The following CSMD1 variants were observed in gnomAD, a reference collection of about 807,000 sequenced individuals.
CSMD1 encodes CUB and Sushi multiple domains 1.
Under a neutral mutation model 417.5 loss-of-function variants are expected in CSMD1, and 213 were observed. The ratio of observed to expected loss-of-function variants is 0.51; its 90% CI spans 0.46 to 0.57. The LOEUF (loss-of-function observed/expected upper bound fraction) is 0.57. Ranked by LOEUF, CSMD1 falls within the 20% of genes least tolerant of loss-of-function variation. CSMD1 has a pLI of 0.00. For missense variants in CSMD1, 6,923 were observed against 4,529.7 expected, an observed-to-expected ratio of 1.53 and a Z score of -15.17; for synonymous variants, 2,862 against 1,736.8, an observed-to-expected ratio of 1.65 and a Z score of -16.11.
intron 3 of CSMD1, among the ~76,000 whole-genome samples, chr8:4,082,219 C>G (rs1800175840): frequency 6.6e-6 from 1 of 151,982 alleles, no homozygotes; most frequent in Non-Finnish European, 1.5e-5. Flanking sequence ...AAATTATGAC[C>G]ACACAGGTAA....
intron 26 of CSMD1, among the ~76,000 whole-genome samples, chr8:3,271,072 TC>T (rs1343193198): frequency 4.0e-5 from 4 of 100,436 alleles, no homozygotes; most frequent in Non-Finnish European, 6.0e-5. Flanking sequence ...ATGCTGTCCT[TC>T]CCCCCTCCCC....
At chr8:4,640,737 T>C (rs1254834089) in intron 1 of CSMD1, among the ~76,000 whole-genome samples, 2 of 152,072 alleles carry the variant, frequency 1.3e-5, no homozygotes, top group Non-Finnish European at 2.9e-5. Context: ...ATGAATCCCT[T>C]GTAAGTACCT....
chr8:3,406,723 C>G (rs371389517), intron 14 of CSMD1, among the ~76,000 whole-genome samples: 3 of 152,108 alleles, frequency 2.0e-5, no homozygotes, highest in African/African-American at 4.8e-5. Flanking sequence ...AAGTATTCTG[C>G]CTAAGAAACT....
chr8:3,260,993 A>G (rs184174735), intron 26 of CSMD1, among the ~76,000 whole-genome samples: 9 of 151,340 alleles, frequency 5.9e-5, no homozygotes, highest in African/African-American at 1.2e-4. Context: ...AAAAGGAACA[A>G]CAACAACAAC....
chr8:3,406,498 G>C (rs771229077), intron 14 of CSMD1, among the ~76,000 whole-genome samples: 31 of 152,154 alleles, frequency 2.0e-4, no homozygotes, highest in Non-Finnish European at 4.1e-4. Flanking sequence ...TAGACAAAGA[G>C]AGAACTGATA....
intron 3 of CSMD1, among the ~76,000 whole-genome samples, chr8:4,249,323 G>T (rs1472747042): frequency 6.6e-6 from 1 of 152,132 alleles, no homozygotes; most frequent in Non-Finnish European, 1.5e-5. Flanking sequence ...AAAGCCACTT[G>T]TTTCTAAGAG....
Position 3,115,959 on chromosome 8 carries a change from T to C in CSMD1, c.6430+2440A>G, listed in dbSNP as rs1046049550. 7.2e-5 allele frequency among the ~76,000 whole-genome samples: 11 copies of C among 152,180 alleles called. No homozygotes were observed. In the South Asian group the frequency reaches 1.0e-3, roughly 14 times the overall value. On this transcript the variant is annotated intron_variant, in intron 42 of 69. Transcript: ENST00000635120. Reference sequence around the variant, plus strand: ...TCACTGACCTGAAATGATAAACCACTGTCAATTAATAAAATACATGTTACA... The same window carrying C: ...TCACTGACCTGAAATGATAAACCACCGTCAATTAATAAAATACATGTTACA...
At chr8:3,703,222 C>G (rs1431648781) in intron 7 of CSMD1, among the ~76,000 whole-genome samples, 1 of 152,112 alleles carries the variant, frequency 6.6e-6, no homozygotes, top group East Asian at 1.9e-4. Flanking sequence ...GTTGAAATAT[C>G]TCTAAAGACT....
chr8:3,185,969 A>G (rs72621201), intron 36 of CSMD1, among the ~76,000 whole-genome samples: 19,665 of 151,870 alleles, frequency 0.13, 1,758 homozygotes, highest in East Asian at 0.28. Context: ...TTGTCTAGCT[A>G]TATTTTACTA....
chr8:3,650,923 G>A (rs1440258458), intron 7 of CSMD1, among the ~76,000 whole-genome samples: 1 of 151,956 alleles, frequency 6.6e-6, no homozygotes, highest in South Asian at 2.1e-4. Flanking sequence ...TGGTCTCTCC[G>A]ACTCCGATCT....
intron 48 of CSMD1, among the ~76,000 whole-genome samples, chr8:3,089,286 G>T (rs1005925768): frequency 4.6e-5 from 7 of 152,214 alleles, no homozygotes; most frequent in African/African-American, 1.7e-4. Flanking sequence ...CTGGAATTTC[G>T]GTGTGAATGC....
chr8:4,631,148 G>A (rs1374894557), intron 2 of CSMD1, among the ~76,000 whole-genome samples: 1 of 152,096 alleles, frequency 6.6e-6, no homozygotes, highest in African/African-American at 2.4e-5. Flanking sequence ...GGATCACGAG[G>A]TCAGGAGTTC....
At chr8:3,834,061 A>G (rs1802526281) in intron 5 of CSMD1, among the ~76,000 whole-genome samples, 4 of 152,138 alleles carry the variant, frequency 2.6e-5, no homozygotes, top group Admixed American at 2.6e-4. Flanking sequence ...TTTGGTCACT[A>G]CTGAAAAAAT....
chr8:3,617,835 G>A (rs1327963496), intron 7 of CSMD1, among the ~76,000 whole-genome samples: 2 of 152,064 alleles, frequency 1.3e-5, no homozygotes, highest in Non-Finnish European at 2.9e-5. Flanking sequence ...CCAATGAATA[G>A]CTGATTCTAT....
At chr8:3,639,558 C>A (rs1291001670) in intron 7 of CSMD1, among the ~76,000 whole-genome samples, 3 of 152,144 alleles carry the variant, frequency 2.0e-5, no homozygotes, top group African/African-American at 7.2e-5. Context: ...TGACTTCCTG[C>A]CTCAACCAGA....
At chr8:4,419,013 C>A (rs923395107) in intron 3 of CSMD1, among the ~76,000 whole-genome samples, 4 of 152,172 alleles carry the variant, frequency 2.6e-5, no homozygotes, top group Non-Finnish European at 5.9e-5. Flanking sequence ...CTACAGCCAC[C>A]CATTTGCACA....
intron 5 of CSMD1, among the ~76,000 whole-genome samples, chr8:3,789,174 C>A (rs1314427094): frequency 1.3e-5 from 2 of 152,104 alleles, no homozygotes; most frequent in Non-Finnish European, 2.9e-5. Context: ...GACCTTTCCA[C>A]TATGTGAGGA....
At chr8:4,974,173 C>A (rs1374702993) in intron 1 of CSMD1, among the ~76,000 whole-genome samples, 1 of 144,518 alleles carries the variant, frequency 6.9e-6, no homozygotes, top group African/African-American at 2.6e-5. Context: ...CATGCCACCA[C>A]ACCCAGCTAA....
intron 5 of CSMD1, among the ~76,000 whole-genome samples, chr8:3,921,231 G>C (rs530851978): frequency 9.0e-4 from 137 of 152,070 alleles, no homozygotes; most frequent in African/African-American, 3.1e-3. Context: ...TTACAGTATT[G>C]TATTTATATT....
Sources: gnomAD v4.1 joint callset for allele counts (sites outside exome capture counted in the v4.1 genomes callset) on GRCh38, gnomAD v4.1.1 for gene constraint, MANE v1.5 for transcripts, NCBI Gene and HGNC (gene_info 2026-07-23, HGNC 2026-07-21) for gene names.